Variants in GRID2 observed in about 807,000 individuals in gnomAD.
GRID2 encodes glutamate ionotropic receptor delta type subunit 2, also known as glutamate receptor ionotropic, delta-2.
GRID2 carries 33 observed loss-of-function variants against 114.8 expected under a neutral mutation model. That is an observed-to-expected ratio of 0.29 (90% CI 0.22 to 0.38). The LOEUF (loss-of-function observed/expected upper bound fraction) is 0.38, where lower values mean the gene tolerates loss of function less well. Among genes scored for constraint, GRID2 ranks in the 10% least tolerant of loss-of-function variants. GRID2 has a pLI of 1.00. For synonymous variants in GRID2, 505 were observed against 449.9 expected (o/e 1.12, Z -1.55); for missense variants, 1,184 against 1,257.7 (o/e 0.94, Z 0.89).
Position 93,796,708 on chromosome 4 carries a change from T to C in GRID2, c.222-10007T>C, listed in dbSNP as rs570435887. On this transcript the variant is annotated intron_variant, in intron 1 of 1. Coordinates refer to the GRID2 transcript ENST00000637838. ...ACGGGCATGTGCCACCACACCTGGA[T>C]ATTTTTTATTAATATTATTTTTAGT... 3.3e-5 allele frequency among the ~76,000 whole-genome samples: 5 copies of C among 152,258 alleles called. 1 individual carries two copies. In the South Asian group the frequency reaches 1.0e-3, roughly 32 times the overall value.
At chr4:92,329,288 A>G (rs1370962095) in intron 1 of GRID2, among the ~76,000 whole-genome samples, 2 of 151,974 alleles carry the variant, frequency 1.3e-5, no homozygotes, top group African/African-American at 4.8e-5. Context: ...GCTTCTTTTT[A>G]AGCCCTCTCT....
intron 2 of GRID2, among the ~76,000 whole-genome samples, chr4:92,986,932 C>T (rs1377266527): frequency 6.6e-6 from 1 of 152,082 alleles, no homozygotes; most frequent in Non-Finnish European, 1.5e-5. Flanking sequence ...TAGGGTCTTT[C>T]CTTCCTTCTT....
intron 2 of GRID2, among the ~76,000 whole-genome samples, chr4:93,057,796 C>T (rs1727402882): frequency 6.6e-6 from 1 of 151,694 alleles, no homozygotes; most frequent in Non-Finnish European, 1.5e-5. Context: ...TTCTTATCTG[C>T]ATTTAATATT....
chr4:93,684,947 G>A (rs1725941584), intron 14 of GRID2, among the ~76,000 whole-genome samples: 1 of 152,022 alleles, frequency 6.6e-6, no homozygotes, highest in Admixed American at 6.6e-5. Flanking sequence ...ATAGGTGAGT[G>A]GGGGTGGTAA....
intron 1 of GRID2, among the ~76,000 whole-genome samples, chr4:92,432,467 C>G (rs769623363): frequency 6.6e-6 from 1 of 151,924 alleles, no homozygotes; most frequent in African/African-American, 2.4e-5. Flanking sequence ...AAGACAATGG[C>G]TTTCCCACTC....
chr4:92,335,551 G>T (rs1369119054), intron 1 of GRID2, among the ~76,000 whole-genome samples: 2 of 152,150 alleles, frequency 1.3e-5, no homozygotes, highest in Admixed American at 6.6e-5. Context: ...ATTAAGCAAA[G>T]AAATCACAGG....
intron 2 of GRID2, among the ~76,000 whole-genome samples, chr4:93,002,897 G>A (rs1235388591): frequency 6.6e-6 from 1 of 151,650 alleles, no homozygotes; most frequent in Admixed American, 6.6e-5. Flanking sequence ...AACTTCTAGA[G>A]GTCACCTGCC....
intron 6 of GRID2, among the ~76,000 whole-genome samples, chr4:93,218,468 C>T (rs1744492821): frequency 6.6e-6 from 1 of 152,086 alleles, no homozygotes; most frequent in African/African-American, 2.4e-5. Context: ...TGTGCTACTG[C>T]ACTCCAGCCT....
chr4:93,768,933 A>G (rs1185480627), intron 14 of GRID2, among the ~76,000 whole-genome samples: 3 of 149,574 alleles, frequency 2.0e-5, no homozygotes, highest in South Asian at 2.2e-4. Flanking sequence ...ATAGAATGAA[A>G]CCAGAAGAAG....
At chr4:92,984,833 G>T (rs867140555) in intron 2 of GRID2, among the ~76,000 whole-genome samples, 33 of 151,038 alleles carry the variant, frequency 2.2e-4, no homozygotes, top group African/African-American at 8.1e-4. Flanking sequence ...TCTTTGTTGA[G>T]TCTTTTTCAA....
Position 92,530,926 on chromosome 4 carries a change from G to T in GRID2, c.89-59205G>T, listed in dbSNP as rs532711308. On this transcript the variant is annotated intron_variant, in intron 1 of 15. Transcript: ENST00000282020. ...CATCTTGGCGGGGGGGGAGAAAGAGGTCTTTAAAACAATTCCCAAATTTGA... is the reference window on the plus strand; with the variant it reads ...CATCTTGGCGGGGGGGGAGAAAGAGTTCTTTAAAACAATTCCCAAATTTGA... Among the ~76,000 whole-genome samples the T allele has an allele frequency of 1.0e-3, 158 of 151,648 alleles. 1 individual carries two copies. The highest frequency in any genetic ancestry group is 0.01 in the Middle Eastern group (3 of 294).
chr4:92,605,182 A>G (rs1453373480), intron 2 of GRID2, among the ~76,000 whole-genome samples: 1 of 152,110 alleles, frequency 6.6e-6, no homozygotes, highest in Non-Finnish European at 1.5e-5. Flanking sequence ...TCTTTATAGC[A>G]GTATGAAAAT....
At chr4:92,901,835 G>C (rs1225302564) in intron 2 of GRID2, among the ~76,000 whole-genome samples, 1 of 151,960 alleles carries the variant, frequency 6.6e-6, no homozygotes, top group Non-Finnish European at 1.5e-5. Context: ...GTGTGTGTGT[G>C]TGTGTGTGTC....
At chr4:93,725,563 A>G (rs370153539) in intron 14 of GRID2, among the ~76,000 whole-genome samples, 1 of 151,326 alleles carries the variant, frequency 6.6e-6, no homozygotes, top group East Asian at 1.9e-4. Flanking sequence ...CGCCACACTG[A>G]CTTCCACAAT....
chr4:92,950,413 C>A (rs1250547562), intron 2 of GRID2, among the ~76,000 whole-genome samples: 1 of 152,164 alleles, frequency 6.6e-6, no homozygotes, highest in Non-Finnish European at 1.5e-5. Flanking sequence ...TAAGTTCCTA[C>A]AAGTGCTTTT....
intron 10 of GRID2, among the ~76,000 whole-genome samples, chr4:93,433,642 T>A (rs1293344919): frequency 6.6e-6 from 1 of 152,188 alleles, no homozygotes; most frequent in East Asian, 1.9e-4. Context: ...ACTCCTATTG[T>A]CTAGGATCCC....
chr4:92,445,394 G>T (rs1022317801), intron 1 of GRID2, among the ~76,000 whole-genome samples: 2 of 152,172 alleles, frequency 1.3e-5, no homozygotes, highest in African/African-American at 4.8e-5. Flanking sequence ...TCCAGTGAAG[G>T]TTCAAGGCTT....
intron 2 of GRID2, among the ~76,000 whole-genome samples, chr4:92,808,355 AAGTC>A (rs1255760654): frequency 6.6e-6 from 1 of 152,050 alleles, no homozygotes; most frequent in Non-Finnish European, 1.5e-5. Context: ...AGTAGTAAAA[AAGTC>A]AAACATTTTA....
At chr4:93,530,527 CTTCTTT>C (rs1482328915) in intron 13 of GRID2, among the ~76,000 whole-genome samples, 2 of 152,106 alleles carry the variant, frequency 1.3e-5, no homozygotes, top group Non-Finnish European at 2.9e-5. Context: ...CTCTGCCTGC[CTTCTTT>C]TTCTGTCTAT....
Sources: allele counts gnomAD v4.1 joint callset (sites outside exome capture counted in the v4.1 genomes callset), GRCh38; gene constraint gnomAD v4.1.1; transcripts MANE v1.5; gene names NCBI Gene and HGNC (gene_info 2026-07-23, HGNC 2026-07-21).